Variants in CASP1 observed in about 807,000 individuals in gnomAD.
The protein encoded by CASP1 is caspase 1.
A neutral mutation model predicts 41.2 loss-of-function variants in CASP1; 31 were observed. The ratio of observed to expected loss-of-function variants is 0.75; its 90% CI spans 0.57 to 1.02. The LOEUF (loss-of-function observed/expected upper bound fraction) is 1.02. Ranked by LOEUF, CASP1 falls within the 50% of genes least tolerant of loss-of-function variation. CASP1 has a pLI of 0.00. For synonymous variants in CASP1, 163 were observed against 166.5 expected, an observed-to-expected ratio of 0.98 and a Z score of 0.16; for missense variants, 490 against 495.7, an observed-to-expected ratio of 0.99 and a Z score of 0.11.
upstream of CASP1, among the ~76,000 whole-genome samples, chr11:105,035,974 T>C (rs1020325932): frequency 3.3e-5 from 5 of 152,098 alleles, no homozygotes; most frequent in South Asian, 2.1e-4. Context: ...GGCTCTGGAA[T>C]GAGAATGTCG....
At chr11:105,033,225 CACTG>C (rs950723436) in intron 2 of CASP1, 99 bp from the exon 3 acceptor site, 24 of 648,214 alleles carry the variant, frequency 3.7e-5, no homozygotes, top group Non-Finnish European at 4.9e-5. Flanking sequence ...TCTCCCATAA[CACTG>C]ACTGACTGAC....
chr11:105,033,586 G>A (rs866616726), intron 2 of CASP1, among the ~76,000 whole-genome samples: 6 of 152,124 alleles, frequency 3.9e-5, no homozygotes, highest in African/African-American at 7.2e-5. Context: ...GTTGCAAGTG[G>A]AGGATTTCCA....
rs1358168547 is a variant in CASP1 at position 105,035,133 on chromosome 11, C to T, written c.-20G>A. 7 of 1,613,984 alleles carry T rather than the reference C, an allele frequency of 4.3e-6. No individual in the cohort carries two copies. Among genetic ancestry groups the T allele is most frequent in the Non-Finnish European group, 5.1e-6 (6 of 1,179,898 alleles). On this transcript the variant is annotated 5_prime_UTR_variant, in exon 1 of 9. Transcript: ENST00000533400. ...GGCCATGGCTTTTCTCTCCTCCCTT[C>T]TTGTGTGACTGAAACTGAAAGTATG...
chr11:105,034,822 C>T, intron 1 of CASP1: 1 of 596,312 alleles, frequency 1.7e-6, no homozygotes, highest in Non-Finnish European at 3.0e-6. Flanking sequence ...CCTCCTGTGC[C>T]AATTCTGTAC....
rs771578706 is a variant in CASP1, at chr11:105,030,335, C to CAGTG, written c.618_621dup (p.Ala208HisfsTer22). 6.2e-7 allele frequency: 1 copy of CAGTG among 1,611,292 alleles called. No individual in the cohort carries two copies. The highest frequency in any genetic ancestry group is 1.1e-5 in the South Asian group (1 of 90,746). ...TGTTGTATAATAGAACTTACCGAAG[C>CAGTG]AGTGAGATTTTTTTTCACATCTACG... On this transcript the variant is annotated frameshift_variant, in exon 5 of 9. Transcript: ENST00000533400. LOFTEE classifies it high-confidence loss of function.
At chr11:105,030,766 G>A in intron 4 of CASP1, 1 of 428,610 alleles carries the variant, frequency 2.3e-6, no homozygotes, top group Non-Finnish European at 4.1e-6. Context: ...AAGCAAAAAT[G>A]ACTGAATTCT....
rs774658840 is a variant in CASP1 at position 105,031,160 on chromosome 11, G to A, written c.453+5C>T. The A allele has an allele frequency of 1.3e-6, 2 of 1,551,106 alleles. No individual in the cohort carries two copies. Among genetic ancestry groups the A allele is most frequent in the Non-Finnish European group, 1.8e-6 (2 of 1,122,982 alleles). On this transcript the variant is annotated splice_donor_5th_base_variant and intron_variant, in intron 4 of 8. Coordinates refer to ENST00000533400, the MANE Select transcript of CASP1 (RefSeq NM_001257118.3). ...CACTCTATCCTTGGGTTCTGAGCAT[G>A]GCACCTCTGCCGACTTTTGTTTCCA...
At chr11:105,035,331 G>A, upstream of CASP1, 1 of 596,242 alleles carries the variant, frequency 1.7e-6, no homozygotes, top group Non-Finnish European at 3.0e-6. Flanking sequence ...AGGGTAGGAG[G>A]GGAATGGGGC....
chr11:105,025,500 A>G (rs1484668359), downstream of CASP1: 4 of 413,304 alleles, frequency 9.7e-6, no homozygotes, highest in African/African-American at 2.1e-5. Context: ...GAGAAAAATG[A>G]GGACAAGTTT....
chr11:105,031,464 G>A (rs1863693894), intron 3 of CASP1, among the ~76,000 whole-genome samples, 184 bp from the exon 4 acceptor site: 1 of 152,152 alleles, frequency 6.6e-6, no homozygotes, highest in South Asian at 2.1e-4. Context: ...TCAAGCAAGA[G>A]ATTTCCAGGT....
intron 2 of CASP1, 160 bp downstream of exon 2, chr11:105,034,048 A>T: frequency 8.7e-7 from 1 of 1,153,482 alleles, no homozygotes; most frequent in South Asian, 1.3e-5. Flanking sequence ...GAATCAAAGG[A>T]GAGTCAAGGG....
chr11:105,030,050 A>G lies in CASP1; in HGVS notation c.628-151T>C, dbSNP rs998450685. On this transcript the variant is annotated intron_variant, in intron 5 of 8. Coordinates refer to ENST00000533400, the MANE Select transcript of CASP1 (RefSeq NM_001257118.3). The stretch of plus-strand genomic sequence containing the variant: ...AAAAATTTAGTCTTAGTTTCAAGAA[A>G]GGTGAAGGAAAGTGTTATAGGAAGT... 3.8e-5 allele frequency: 26 copies of G among 677,778 alleles called. No individual in the cohort carries two copies. The African/African-American group carries it at 4.5e-4, about 12-fold the overall frequency. The allele number at this position is 677,778 out of a possible 1,614,324, so 42.0% of individuals were successfully genotyped here. A position where few individuals can be genotyped will look rare whatever the true frequency, so the allele number is the denominator to read the frequency against.
chr11:105,031,132 C>A (rs1863665921), intron 4 of CASP1, 33 bp downstream of exon 4: 2 of 1,254,744 alleles, frequency 1.6e-6, no homozygotes, highest in East Asian at 4.6e-5. Flanking sequence ...GTTTCTTTCA[C>A]CCCACTCTAT....
At chr11:105,033,777 A>C (rs907322327) in intron 2 of CASP1, 8 of 410,134 alleles carry the variant, frequency 2.0e-5, no homozygotes, top group African/African-American at 1.5e-4. Flanking sequence ...GGAGGGTAAA[A>C]TTTTGGAGAA....
At position 105,034,529 on chromosome 11, in the gene CASP1, A is replaced by T. The variant is rs940003044; in HGVS notation, c.8-55T>A. On this transcript the variant is annotated intron_variant, in intron 1 of 8. Transcript: ENST00000533400. ...ATGAAAACAGCCTCATATTCCTCTC[A>T]TGTAATCAACAGAAAGTGACCTCAT... The T allele has an allele frequency of 3.7e-6, 6 of 1,605,526 alleles. No individual in the cohort carries two copies. In the Admixed American group the frequency reaches 6.7e-5, roughly 18 times the overall value.
chr11:105,029,014 G>A (rs574434870), intron 7 of CASP1, 110 bp downstream of exon 7: 12 of 987,014 alleles, frequency 1.2e-5, no homozygotes, highest in Middle Eastern at 3.3e-4. Flanking sequence ...TGTATAACTT[G>A]GAACAAAGCT....
At chr11:105,035,031 T>C (rs1252417367) in intron 1 of CASP1, 76 bp downstream of exon 1, 1 of 1,584,486 alleles carries the variant, frequency 6.3e-7, no homozygotes, top group Non-Finnish European at 8.7e-7. Context: ...ATGCTAATTA[T>C]GGCTTCCAGA....
intron 7 of CASP1, chr11:105,027,322 C>A: frequency 2.7e-6 from 1 of 366,256 alleles, no homozygotes. Flanking sequence ...TTATCAAATT[C>A]TCAATTTATG....
At chr11:105,031,028 C>T in intron 4 of CASP1, 137 bp downstream of exon 4, 1 of 612,072 alleles carries the variant, frequency 1.6e-6, no homozygotes, top group South Asian at 2.0e-5. Flanking sequence ...TATAGAAATC[C>T]TTTATGTAAG....
Sources: gnomAD v4.1 joint callset for allele counts (sites outside exome capture counted in the v4.1 genomes callset) on GRCh38, gnomAD v4.1.1 for gene constraint, MANE v1.5 for transcripts, NCBI Gene and HGNC (gene_info 2026-07-23, HGNC 2026-07-21) for gene names.